Variants in PRKAR2A observed in about 807,000 individuals in gnomAD.
The protein encoded by PRKAR2A is protein kinase cAMP-dependent type II regulatory subunit alpha, also known as cAMP-dependent protein kinase type II-alpha regulatory subunit.
Under a neutral mutation model 51.9 loss-of-function variants are expected in PRKAR2A, and 29 were observed. That is an observed-to-expected ratio of 0.56 (90% CI 0.42 to 0.76). The LOEUF is 0.76. Ranked by LOEUF, PRKAR2A falls within the 30% of genes least tolerant of loss-of-function variation. The pLI is 0.00. For synonymous variants in PRKAR2A, 178 were observed against 186.2 expected (o/e 0.96, Z 0.36); for missense variants, 445 against 512.1 (o/e 0.87, Z 1.26).
At chr3:48,794,302 C>A (rs1341351636) in intron 2 of PRKAR2A, among the ~76,000 whole-genome samples, 1 of 151,580 alleles carries the variant, frequency 6.6e-6, no homozygotes, top group Admixed American at 6.6e-5. Context: ...CAGGCATGCA[C>A]CACCATGCCT....
At chr3:48,793,656 C>T (rs542710573) in intron 3 of PRKAR2A, among the ~76,000 whole-genome samples, 5 of 151,980 alleles carry the variant, frequency 3.3e-5, no homozygotes, top group African/African-American at 1.2e-4. Flanking sequence ...ACCAAACCAG[C>T]TAATTTTTTT....
intron 8 of PRKAR2A, among the ~76,000 whole-genome samples, chr3:48,764,273 T>C (rs1392836224): frequency 3.3e-5 from 5 of 152,200 alleles, no homozygotes; most frequent in Non-Finnish European, 7.3e-5. Flanking sequence ...TCTAGCCCAC[T>C]GTTTAGTAAT....
intron 9 of PRKAR2A, among the ~76,000 whole-genome samples, chr3:48,753,233 A>T (rs907166229): frequency 6.6e-6 from 1 of 151,464 alleles, no homozygotes; most frequent in African/African-American, 2.4e-5. Context: ...CCCATTTTTT[A>T]AAATAAGAGT....
rs2083484009 is a variant in PRKAR2A at position 48,847,381 on chromosome 3, G to A, written c.216C>T (p.Ala72=). 1.2e-6 allele frequency: 2 copies of A among 1,612,942 alleles called. No homozygotes were observed. The highest frequency in any genetic ancestry group is 2.2e-5 in the South Asian group (2 of 90,942). The change falls in exon 1 of 11, where the codon GCC becomes GCT. Residue 72 remains alanine (A), a synonymous_variant. Transcript: ENST00000265563. The surrounding 1 kb of genome is among the most constrained non-coding windows in gnomAD (Gnocchi z 4.4). ...PPPEPGPDRV[A]DAKGDSESEE... ...CCGACTCGCTGTCCCCTTTGGCGTC[G>A]GCGACACGGTCCGGGCCGGGTTCTG...
At chr3:48,842,370 T>C (rs2083394732) in intron 1 of PRKAR2A, among the ~76,000 whole-genome samples, 1 of 152,196 alleles carries the variant, frequency 6.6e-6, no homozygotes, top group Admixed American at 6.6e-5. Flanking sequence ...CAGGGACAAT[T>C]TGACTTCCTC....
At chr3:48,777,510 A>G (rs939644800) in intron 5 of PRKAR2A, among the ~76,000 whole-genome samples, 2 of 152,066 alleles carry the variant, frequency 1.3e-5, no homozygotes, top group African/African-American at 2.4e-5. Flanking sequence ...GGTTTACACC[A>G]TTCTCCTGCC....
chr3:48,752,916 C>CTTT lies in PRKAR2A; in HGVS notation c.940-602_940-600dup, dbSNP rs59163654. Among the ~76,000 whole-genome samples the CTTT allele has an allele frequency of 2.4e-3, 113 of 47,552 alleles. 8 individuals are homozygous for CTTT. The highest frequency in any genetic ancestry group is 0.022 in the Middle Eastern group (1 of 46). The allele number at this position is 47,552 out of a possible 152,430, so 31.2% of individuals were successfully genotyped here. On this transcript the variant is annotated intron_variant, in intron 9 of 10. Transcript: ENST00000265563. The stretch of plus-strand genomic sequence containing the variant: ...ACCTTAAGTTAGTGGTTCCCTCCTC[C>CTTT]TTTTTTTTTTTTTTTTTTTTTTTTT...
At chr3:48,802,594 C>G (rs2082607496) in intron 2 of PRKAR2A, among the ~76,000 whole-genome samples, 1 of 152,120 alleles carries the variant, frequency 6.6e-6, no homozygotes, top group African/African-American at 2.4e-5. Context: ...ATCCCAGCTA[C>G]TCAGAGGCTG....
Position 48,765,230 on chromosome 3 carries a change from T to C in PRKAR2A, c.798+18A>G. On this transcript the variant is annotated intron_variant, in intron 7 of 10. Transcript: ENST00000265563. ...TTTCCTGATCCCCATGAACAGATTC[T>C]TATTCAAGCCACTTTACCTCTAGTG... The C allele has an allele frequency of 6.3e-7, 1 of 1,589,436 alleles. No individual in the cohort carries two copies. Among genetic ancestry groups the C allele is most frequent in the Non-Finnish European group, 8.6e-7 (1 of 1,160,926 alleles).
intron 1 of PRKAR2A, among the ~76,000 whole-genome samples, chr3:48,829,864 TATATA>T (rs1345946941): frequency 2.0e-4 from 16 of 81,932 alleles, no homozygotes; most frequent in African/African-American, 8.6e-4. Flanking sequence ...TATATATATA[TATATA>T]TATTTTTTTT....
intron 1 of PRKAR2A, among the ~76,000 whole-genome samples, chr3:48,823,609 C>T (rs539336477): frequency 2.0e-5 from 3 of 151,602 alleles, no homozygotes; most frequent in African/African-American, 2.4e-5. Context: ...TAGGGAGACT[C>T]CATCTCTACA....
intron 1 of PRKAR2A, among the ~76,000 whole-genome samples, chr3:48,842,436 A>T (rs2083395707): frequency 6.6e-6 from 1 of 152,156 alleles, no homozygotes; most frequent in African/African-American, 2.4e-5. Context: ...CCTGGCCACA[A>T]CTTCCAACAC....
intron 1 of PRKAR2A, among the ~76,000 whole-genome samples, chr3:48,816,805 A>G (rs1467127272): frequency 1.3e-5 from 2 of 152,154 alleles, no homozygotes; most frequent in Admixed American, 6.5e-5. Flanking sequence ...ACCCAATGCA[A>G]GTTTAAAAGG....
intron 4 of PRKAR2A, among the ~76,000 whole-genome samples, chr3:48,784,972 A>G (rs2082264521): frequency 6.6e-6 from 1 of 152,244 alleles, no homozygotes; most frequent in South Asian, 2.1e-4. Context: ...AAAAAGCTAT[A>G]CAGAACTTTA....
intron 8 of PRKAR2A, among the ~76,000 whole-genome samples, chr3:48,762,054 A>G (rs2081870077): frequency 6.6e-6 from 1 of 152,244 alleles, no homozygotes; most frequent in Non-Finnish European, 1.5e-5. Context: ...AAAAGTACAC[A>G]ACTACAAAGA....
intron 1 of PRKAR2A, among the ~76,000 whole-genome samples, chr3:48,824,043 C>T (rs2083016033): frequency 6.6e-6 from 1 of 152,148 alleles, no homozygotes; most frequent in Non-Finnish European, 1.5e-5. Context: ...GAGTTCAAGA[C>T]CAGCCTGGCC....
intron 1 of PRKAR2A, among the ~76,000 whole-genome samples, chr3:48,835,994 CT>C (rs906486840): frequency 5.3e-5 from 8 of 151,948 alleles, no homozygotes; most frequent in Non-Finnish European, 1.2e-4. Flanking sequence ...AATCCATTTT[CT>C]TTTTTTTCCC....
chr3:48,803,224 G>A (rs1182154681), intron 2 of PRKAR2A, among the ~76,000 whole-genome samples: 2 of 152,208 alleles, frequency 1.3e-5, no homozygotes, highest in Non-Finnish European at 2.9e-5. Context: ...GACCAGCCTG[G>A]GCAACAAAGG....
At chr3:48,801,622 G>A (rs2082592219) in intron 2 of PRKAR2A, among the ~76,000 whole-genome samples, 1 of 152,198 alleles carries the variant, frequency 6.6e-6, no homozygotes, top group Middle Eastern at 3.4e-3. Flanking sequence ...TTTTGAGACT[G>A]AGTCTTGCTC....
Sources: gnomAD v4.1 joint callset for allele counts (sites outside exome capture counted in the v4.1 genomes callset) on GRCh38, gnomAD v4.1.1 for gene constraint, Gnocchi (gnomAD v3.1) non-coding constraint, MANE v1.5 for transcripts, NCBI Gene and HGNC (gene_info 2026-07-23, HGNC 2026-07-21) for gene names.